Variants in CNTRL observed in about 807,000 individuals in gnomAD.
CNTRL encodes centriolin.
CNTRL carries 233 observed loss-of-function variants against 303.7 expected under a neutral mutation model. The ratio of observed to expected loss-of-function variants is 0.77; its 90% CI spans 0.69 to 0.86. The LOEUF (loss-of-function observed/expected upper bound fraction) is 0.86. Ranked by LOEUF, CNTRL falls within the 40% of genes least tolerant of loss-of-function variation. CNTRL has a pLI of 0.00. For missense variants in CNTRL, 2,524 were observed against 2,650.6 expected, an observed-to-expected ratio of 0.95 and a Z score of 1.05; for synonymous variants, 900 against 922.2, an observed-to-expected ratio of 0.98 and a Z score of 0.44.
chr9:121,080,038 A>G (rs2048079897), intron 1 of CNTRL, among the ~76,000 whole-genome samples: 1 of 152,184 alleles, frequency 6.6e-6, no homozygotes, highest in South Asian at 2.1e-4. Flanking sequence ...ATGCTAGGCC[A>G]TAGAGAACAA....
chr9:121,160,117 A>C (rs974468652), intron 31 of CNTRL, 26 bp from the exon 32 acceptor site: 2 of 1,425,280 alleles, frequency 1.4e-6, no homozygotes, highest in Non-Finnish European at 1.8e-6. Context: ...CACAGGAGGG[A>C]ATAACTTTTT....
At chr9:121,166,962 C>T (rs867711650) in intron 36 of CNTRL, among the ~76,000 whole-genome samples, 1 of 148,854 alleles carries the variant, frequency 6.7e-6, no homozygotes, top group Non-Finnish European at 1.5e-5. Context: ...CGGAGGTTGC[C>T]GTGAGCTGAG....
chr9:121,085,415 A>G (rs2048307689), intron 2 of CNTRL, among the ~76,000 whole-genome samples: 1 of 152,246 alleles, frequency 6.6e-6, no homozygotes, highest in African/African-American at 2.4e-5. Context: ...GCAATAAAAA[A>G]TATGCATACA....
intron 10 of CNTRL, among the ~76,000 whole-genome samples, chr9:121,114,496 C>A (rs1227752345): frequency 6.6e-6 from 1 of 152,116 alleles, no homozygotes; most frequent in Non-Finnish European, 1.5e-5. Flanking sequence ...TCTGCGTATA[C>A]TATATGCAAG....
At chr9:121,086,489 T>C (rs2048346094) in intron 2 of CNTRL, among the ~76,000 whole-genome samples, 1 of 152,092 alleles carries the variant, frequency 6.6e-6, no homozygotes, top group Non-Finnish European at 1.5e-5. Flanking sequence ...AGCATTATTA[T>C]TACTGTGAGG....
chr9:121,086,086 A>G (rs1283681541), intron 2 of CNTRL, among the ~76,000 whole-genome samples: 1 of 152,180 alleles, frequency 6.6e-6, no homozygotes, highest in Non-Finnish European at 1.5e-5. Flanking sequence ...ATGGATAGAG[A>G]CGAATTTCAA....
chr9:121,149,560 C>G (rs918381660), intron 24 of CNTRL, among the ~76,000 whole-genome samples: 53 of 152,190 alleles, frequency 3.5e-4, no homozygotes, highest in African/African-American at 1.3e-3. Flanking sequence ...CGTGCACCAC[C>G]ATGCCTGGCT....
intron 7 of CNTRL, among the ~76,000 whole-genome samples, chr9:121,102,992 C>G (rs887720904): frequency 9.2e-5 from 14 of 152,154 alleles, no homozygotes; most frequent in African/African-American, 3.4e-4. Context: ...TTTATAGATT[C>G]AATGCCATCC....
chr9:121,085,266 G>A (rs1248701372), intron 2 of CNTRL, among the ~76,000 whole-genome samples: 1 of 152,200 alleles, frequency 6.6e-6, no homozygotes, highest in East Asian at 1.9e-4. Flanking sequence ...TGACTGGAAG[G>A]GGGCATGAGA....
chr9:121,148,651 C>G, intron 23 of CNTRL, 21 bp from the exon 24 acceptor site: 4 of 1,603,876 alleles, frequency 2.5e-6, no homozygotes, highest in Non-Finnish European at 1.7e-6. Context: ...AGATAGTGTG[C>G]TCTGCTGTCA....
chr9:121,137,191 G>T (rs992114417), intron 15 of CNTRL, among the ~76,000 whole-genome samples: 22 of 152,298 alleles, frequency 1.4e-4, no homozygotes, highest in African/African-American at 5.3e-4. Flanking sequence ...TTATTAGCCA[G>T]ATGAGCTGCA....
At chr9:121,096,774 C>T (rs79034464) in intron 6 of CNTRL, among the ~76,000 whole-genome samples, 4,087 of 152,092 alleles carry the variant, frequency 0.027, 181 homozygotes, top group African/African-American at 0.094. Flanking sequence ...TAGGGTTGAC[C>T]TCTTAGCATT....
Position 121,145,290 on chromosome 9 carries a change from C to G in CNTRL, c.3215C>G (p.Ser1072Ter). ...EKTGVGTGAN[S>*]QVLEIEKLNE... ...ACAGGTGTAGGTACTGGAGCAAACT[C>G]ACAGGTCCTAGAAATTGAGAAACTG... Residue 1072 changes from serine (S) to a stop codon, truncating the protein, a stop_gained, in exon 22 of 44, where the codon TCA (serine) becomes TGA (stop). Coordinates refer to ENST00000373855, the MANE Select transcript of CNTRL (RefSeq NM_007018.6). LOFTEE classifies it high-confidence loss of function. 6.2e-7 allele frequency: 1 copy of G among 1,613,914 alleles called. No homozygotes were observed. The highest frequency in any genetic ancestry group is 8.5e-7 in the Non-Finnish European group (1 of 1,179,926).
chr9:121,114,454 G>T (rs1188105811), intron 10 of CNTRL, among the ~76,000 whole-genome samples: 3 of 152,180 alleles, frequency 2.0e-5, no homozygotes, highest in Admixed American at 6.5e-5. Flanking sequence ...GGTTGACTTG[G>T]TGAAGGAAGA....
intron 40 of CNTRL, among the ~76,000 whole-genome samples, chr9:121,172,175 A>G (rs1035467834): frequency 2.0e-5 from 3 of 152,238 alleles, no homozygotes; most frequent in Admixed American, 2.0e-4. Flanking sequence ...TTAATTCAAG[A>G]AAAAATAACC....
At chr9:121,104,345 G>A (rs1010043944) in intron 7 of CNTRL, among the ~76,000 whole-genome samples, 1 of 152,100 alleles carries the variant, frequency 6.6e-6, no homozygotes, top group Non-Finnish European at 1.5e-5. Context: ...TGGACACAGG[G>A]TGGGTAACAC....
At chr9:121,126,632 T>C (rs1450209728) in intron 14 of CNTRL, among the ~76,000 whole-genome samples, 1 of 152,194 alleles carries the variant, frequency 6.6e-6, no homozygotes, top group Non-Finnish European at 1.5e-5. Flanking sequence ...CTCTGTCTAC[T>C]CCTTTCCAGA....
chr9:121,151,384 C>CTTTTT (rs200247383), intron 25 of CNTRL, among the ~76,000 whole-genome samples: 1,277 of 91,044 alleles, frequency 0.014, 77 homozygotes, highest in East Asian at 0.025. Flanking sequence ...CTTTTTTCTT[C>CTTTTT]TTCTTTTTTT....
intron 4 of CNTRL, among the ~76,000 whole-genome samples, chr9:121,093,429 G>T (rs1271995991): frequency 6.6e-6 from 1 of 152,122 alleles, no homozygotes; most frequent in African/African-American, 2.4e-5. Context: ...TTTTTGATTT[G>T]TGTTGCTTAA....
Sources: gnomAD v4.1 joint callset for allele counts (sites outside exome capture counted in the v4.1 genomes callset) on GRCh38, gnomAD v4.1.1 for gene constraint, MANE v1.5 for transcripts, NCBI Gene and HGNC (gene_info 2026-07-23, HGNC 2026-07-21) for gene names.